The following HSD17B3 variants were observed in gnomAD, a reference collection of about 807,000 sequenced individuals.
HSD17B3 encodes hydroxysteroid 17-beta dehydrogenase 3, also known as 17-beta-hydroxysteroid dehydrogenase type 3.
HSD17B3 carries 29 observed loss-of-function variants against 41.1 expected under a neutral mutation model. The observed-to-expected ratio is 0.71, with a 90% CI of 0.53 to 0.96. HSD17B3 has a LOEUF of 0.96. Among genes scored for constraint, HSD17B3 ranks in the 40% least tolerant of loss-of-function variants. HSD17B3 has a pLI of 0.00. For synonymous variants in HSD17B3, 126 were observed against 145.6 expected (o/e 0.87, Z 0.97); for missense variants, 323 against 374.6 (o/e 0.86, Z 1.14).
intron 10 of HSD17B3, among the ~76,000 whole-genome samples, chr9:96,237,419 CATTGTAAAAGGGTGACTCT>C (rs1202079150): frequency 6.6e-6 from 1 of 152,172 alleles, no homozygotes; most frequent in Non-Finnish European, 1.5e-5. Flanking sequence ...TGTTTTCCTC[CATTGTAAAAGGGTGACTCT>C]AAGTCCTATC....
chr9:96,289,952 G>T (rs1168166386), intron 2 of HSD17B3, among the ~76,000 whole-genome samples: 6 of 152,168 alleles, frequency 3.9e-5, no homozygotes, highest in Non-Finnish European at 5.9e-5. Context: ...GTATGTTGGG[G>T]CCTGGGTCAA....
chr9:96,262,229 C>CTTTTTTTTTTTTTT (rs71368240), intron 2 of HSD17B3, among the ~76,000 whole-genome samples: 2 of 54,166 alleles, frequency 3.7e-5, no homozygotes, highest in African/African-American at 1.6e-4. Context: ...ATGTCAATTG[C>CTTTTTTTTTTTTTT]TTTTTTTTTT....
Position 96,255,367 on chromosome 9 carries a change from C to CTTTTTTTTTTT in HSD17B3, c.202-435_202-425dup, listed in dbSNP as rs869145717. 9.2e-4 allele frequency among the ~76,000 whole-genome samples: 50 copies of CTTTTTTTTTTT among 54,566 alleles called. 14 individuals carry two copies. Among genetic ancestry groups the CTTTTTTTTTTT allele is most frequent in the Non-Finnish European group, 1.1e-3 (32 of 29,474 alleles). 35.8% of individuals were successfully genotyped at this position (54,566 alleles called of 152,430 possible). On this transcript the variant is annotated intron_variant, in intron 2 of 10. Transcript: ENST00000375263. ...AAGCAGTGTTTCTGCCCCAACATTT[C>CTTTTTTTTTTT]TTTTTTTTTTTTTTTTTTTTTTTTT...
chr9:96,260,124 C>G (rs1205861061), intron 2 of HSD17B3, among the ~76,000 whole-genome samples: 2 of 152,148 alleles, frequency 1.3e-5, no homozygotes, highest in Non-Finnish European at 2.9e-5. Flanking sequence ...TATTCTTTAT[C>G]AATTTAAGAA....
intron 2 of HSD17B3, among the ~76,000 whole-genome samples, chr9:96,295,751 G>A (rs897737642): frequency 6.6e-6 from 1 of 152,196 alleles, no homozygotes; most frequent in African/African-American, 2.4e-5. Context: ...TTGTTATGAT[G>A]CAAGCCGTCT....
At chr9:96,246,614 GC>G (rs770312155) in intron 6 of HSD17B3, 24 bp from the exon 7 acceptor site, 2 of 1,612,804 alleles carry the variant, frequency 1.2e-6, no homozygotes, top group African/African-American at 2.7e-5. Flanking sequence ...CCAAAGGTAA[GC>G]CCGACAAGGA....
At chr9:96,296,799 T>C (rs987148818) in intron 2 of HSD17B3, among the ~76,000 whole-genome samples, 4 of 152,140 alleles carry the variant, frequency 2.6e-5, no homozygotes, top group Non-Finnish European at 5.9e-5. Flanking sequence ...CCCAGCACTA[T>C]GGGAGGCCAA....
At position 96,235,311 on chromosome 9, in the gene HSD17B3, T is replaced by C. The variant is rs192393273; in HGVS notation, c.*149A>G. 1 of 689,602 alleles carries C rather than the reference T, an allele frequency of 1.5e-6. No homozygotes were observed. Among genetic ancestry groups the C allele is most frequent in the East Asian group, 2.7e-5 (1 of 36,740 alleles). The allele number at this position is 689,602 out of a possible 1,614,324, so 42.7% of individuals were successfully genotyped here. A position where few individuals can be genotyped will look rare whatever the true frequency, so the allele number is the denominator to read the frequency against. ...CAGAGATATTCAGACTCAAGTAAAGTGGCAAAAAATGTGTATTCTATGCCT... is the reference window on the plus strand; with the variant it reads ...CAGAGATATTCAGACTCAAGTAAAGCGGCAAAAAATGTGTATTCTATGCCT... On this transcript the variant is annotated 3_prime_UTR_variant, in exon 11 of 11. Transcript: ENST00000375263.
intron 2 of HSD17B3, among the ~76,000 whole-genome samples, chr9:96,278,706 T>A (rs151165014): frequency 1.3e-5 from 2 of 152,356 alleles, no homozygotes; most frequent in African/African-American, 4.8e-5. Context: ...TTGATGTCTT[T>A]ATTTGATGTA....
At chr9:96,264,898 C>T (rs1170440835) in intron 2 of HSD17B3, among the ~76,000 whole-genome samples, 1 of 152,194 alleles carries the variant, frequency 6.6e-6, no homozygotes, top group African/African-American at 2.4e-5. Context: ...ATTAATAAGA[C>T]CAGAATCGCA....
intron 9 of HSD17B3, among the ~76,000 whole-genome samples, chr9:96,242,003 A>AAGAAAGAAAGAAAGAAAGAG (rs1554692386): frequency 3.7e-5 from 5 of 135,482 alleles, no homozygotes; most frequent in Admixed American, 2.2e-4. Flanking sequence ...GAAAGAAAGA[A>AAGAAAGAAAGAAAGAAAGAG]AGAGAAAGAA....
At chr9:96,271,003 T>G (rs1270141360) in intron 2 of HSD17B3, among the ~76,000 whole-genome samples, 1 of 150,822 alleles carries the variant, frequency 6.6e-6, no homozygotes, top group Non-Finnish European at 1.5e-5. Flanking sequence ...AATTTGGCAA[T>G]GGTATGCAAT....
chr9:96,272,424 T>TATATATATATATAAA (rs1826290316), intron 2 of HSD17B3, among the ~76,000 whole-genome samples: 1 of 90,014 alleles, frequency 1.1e-5, no homozygotes, highest in African/African-American at 3.9e-5. Context: ...TATATATATA[T>TATATATATATATAAA]ATATATATAT....
At chr9:96,300,246 A>G (rs943592988) in intron 1 of HSD17B3, among the ~76,000 whole-genome samples, 9 of 151,336 alleles carry the variant, frequency 5.9e-5, no homozygotes, top group African/African-American at 7.3e-5. Flanking sequence ...ACACACACAC[A>G]CACACACGCA....
At chr9:96,265,919 A>G (rs375386080) in intron 2 of HSD17B3, among the ~76,000 whole-genome samples, 19 of 152,356 alleles carry the variant, frequency 1.2e-4, no homozygotes, top group African/African-American at 4.6e-4. Flanking sequence ...TAAATAACGC[A>G]TCTGATCTAA....
intron 1 of HSD17B3, among the ~76,000 whole-genome samples, chr9:96,299,681 T>G (rs565174034): frequency 4.6e-5 from 7 of 152,150 alleles, no homozygotes; most frequent in Non-Finnish European, 1.0e-4. Flanking sequence ...GTAACTTGAT[T>G]AAGGTCACAC....
chr9:96,242,464 C>A (rs1836494341), intron 9 of HSD17B3, among the ~76,000 whole-genome samples: 2 of 152,150 alleles, frequency 1.3e-5, no homozygotes, highest in African/African-American at 4.8e-5. Flanking sequence ...AGAGTTTAAA[C>A]AAGCTGACCA....
At chr9:96,284,901 T>C (rs138294972) in intron 2 of HSD17B3, among the ~76,000 whole-genome samples, 22 of 151,448 alleles carry the variant, frequency 1.5e-4, no homozygotes, top group Admixed American at 4.6e-4. Context: ...TGCAGTGGCG[T>C]GATCCCAGCT....
chr9:96,265,650 TATG>T (rs1341587776), intron 2 of HSD17B3, among the ~76,000 whole-genome samples: 1 of 152,194 alleles, frequency 6.6e-6, no homozygotes, highest in Non-Finnish European at 1.5e-5. Context: ...GACATATATA[TATG>T]ATATTTATTC....
Sources: allele counts gnomAD v4.1 joint callset (sites outside exome capture counted in the v4.1 genomes callset), GRCh38; gene constraint gnomAD v4.1.1; transcripts MANE v1.5; gene names NCBI Gene and HGNC (gene_info 2026-07-23, HGNC 2026-07-21).